The following MPP7 variants were observed in gnomAD, a reference collection of about 807,000 sequenced individuals.
MPP7 encodes the protein MAGUK p55 subfamily member 7.
Under a neutral mutation model 76.5 loss-of-function variants are expected in MPP7, and 60 were observed. That is an observed-to-expected ratio of 0.78 (90% CI 0.64 to 0.97). The LOEUF (loss-of-function observed/expected upper bound fraction) is 0.97, where lower values mean the gene tolerates loss of function less well. MPP7 is among the 50% of genes least tolerant of loss of function. The pLI, the probability that MPP7 is intolerant of heterozygous loss-of-function variation, is 0.00. For synonymous variants in MPP7, 237 were observed against 244.5 expected (o/e 0.97, Z 0.29); for missense variants, 641 against 694.0 (o/e 0.92, Z 0.86).
At chr10:28,281,684 A>C (rs186559518) in intron 1 of MPP7, among the ~76,000 whole-genome samples, 1 of 152,084 alleles carries the variant, frequency 6.6e-6, no homozygotes, top group Non-Finnish European at 1.5e-5. Context: ...AAATACTTCT[A>C]ATGTGTTATC....
chr10:28,092,577 C>CTTTTTTTTTTT lies in MPP7; in HGVS notation c.953-2747_953-2737dup, dbSNP rs397969009. On this transcript the variant is annotated intron_variant, in intron 11 of 16. Coordinates refer to ENST00000683449, the MANE Select transcript of MPP7 (RefSeq NM_001318170.2). ...GCTTCATAGAACCCAGAAAAGGGACCTTTTTTTTTTTTTGAGACAGGGACT... is the reference window on the plus strand; with the variant it reads ...GCTTCATAGAACCCAGAAAAGGGACCTTTTTTTTTTTTTTTTTTTTTTTTGAGACAGGGACT... Among the ~76,000 whole-genome samples the CTTTTTTTTTTT allele has an allele frequency of 2.1e-3, 260 of 121,082 alleles. 26 individuals are homozygous for CTTTTTTTTTTT. The highest frequency in any genetic ancestry group is 0.01 in the East Asian group (32 of 3,148). 79.4% of individuals were successfully genotyped at this position (121,082 alleles called of 152,430 possible).
At chr10:28,313,032 A>G (rs750245737) in intron 2 of MPP7, among the ~76,000 whole-genome samples, 3 of 152,218 alleles carry the variant, frequency 2.0e-5, no homozygotes, top group Non-Finnish European at 4.4e-5. Context: ...CACTTCCAGC[A>G]AAGATGTTAC....
intron 1 of MPP7, among the ~76,000 whole-genome samples, chr10:28,246,842 G>T (rs776741571): frequency 6.6e-6 from 1 of 151,754 alleles, no homozygotes; most frequent in Non-Finnish European, 1.5e-5. Context: ...ATGAGATTTG[G>T]GTACGGACAC....
chr10:28,272,768 T>C (rs1304207513), intron 1 of MPP7, among the ~76,000 whole-genome samples: 1 of 152,198 alleles, frequency 6.6e-6, no homozygotes, highest in Non-Finnish European at 1.5e-5. Context: ...GAAAAGTATA[T>C]GTGGATACTG....
At chr10:28,253,673 C>A (rs978083526) in intron 1 of MPP7, among the ~76,000 whole-genome samples, 2 of 152,084 alleles carry the variant, frequency 1.3e-5, no homozygotes, top group Non-Finnish European at 2.9e-5. Context: ...TACTTGACTG[C>A]TCAAGACATC....
rs1839156319 is a variant in MPP7 at position 28,238,568 on chromosome 10, C to A, written c.37G>T (p.Gly13Cys). 2 of 1,614,004 alleles carry A rather than the reference C, an allele frequency of 1.2e-6. No homozygotes were observed. The highest frequency in any genetic ancestry group is 8.5e-7 in the Non-Finnish European group (1 of 1,179,912). The change falls in exon 2 of 17, where the codon GGT (glycine) becomes TGT (cysteine). Residue 13 changes from glycine (G) to cysteine (C), a missense_variant and splice_region_variant. Transcript: ENST00000683449. ...ALSTGSGSDTGLYELLAALPA... is the reference protein window; with the variant it reads ...ALSTGSGSDTCLYELLAALPA... ...AACTGCCCCTCTTGGGGTCACATACCAGTGTCACTCCCAGATCCCGTTGAC... is the reference window on the plus strand; with the variant it reads ...AACTGCCCCTCTTGGGGTCACATACAAGTGTCACTCCCAGATCCCGTTGAC...
chr10:28,058,648 A>T (rs770197552), intron 14 of MPP7, 45 bp from the exon 15 acceptor site: 1 of 1,039,586 alleles, frequency 9.6e-7, no homozygotes, highest in East Asian at 2.6e-5. Flanking sequence ...AATTTAAAAC[A>T]ATTATAGGTG....
chr10:28,129,348 A>T (rs1835120016), intron 6 of MPP7, among the ~76,000 whole-genome samples: 1 of 152,210 alleles, frequency 6.6e-6, no homozygotes, highest in Admixed American at 6.5e-5. Context: ...ATTTTGTTTT[A>T]AAAACAGAGT....
intron 2 of MPP7, among the ~76,000 whole-genome samples, chr10:28,229,813 C>T (rs1242088247): frequency 8.6e-5 from 13 of 151,602 alleles, no homozygotes; most frequent in African/African-American, 2.9e-4. Context: ...GGCGTGAACC[C>T]GGGAGGCGGA....
At chr10:28,332,226 G>C (rs1245673198) in intron 1 of MPP7, among the ~76,000 whole-genome samples, 1 of 135,870 alleles carries the variant, frequency 7.4e-6, no homozygotes. Flanking sequence ...CACGTACATT[G>C]CCAGTTTGTC....
intron 3 of MPP7, among the ~76,000 whole-genome samples, chr10:28,182,348 A>G (rs979133678): frequency 6.6e-6 from 1 of 152,220 alleles, no homozygotes. Flanking sequence ...GGAAGTTGGC[A>G]AAAATTAAAG....
chr10:28,327,785 T>C (rs79504603), intron 2 of MPP7, among the ~76,000 whole-genome samples: 1,577 of 152,276 alleles, frequency 0.01, 31 homozygotes, highest in African/African-American at 0.036. Context: ...TATTGTGCCC[T>C]GACATTATAT....
chr10:28,137,463 G>A (rs1427502716), intron 5 of MPP7, among the ~76,000 whole-genome samples: 2 of 152,178 alleles, frequency 1.3e-5, no homozygotes, highest in Non-Finnish European at 2.9e-5. Flanking sequence ...GTAAAACAGA[G>A]ATAGCTGAAT....
intron 2 of MPP7, among the ~76,000 whole-genome samples, chr10:28,235,478 T>C (rs1839042831): frequency 1.3e-5 from 2 of 152,192 alleles, no homozygotes; most frequent in South Asian, 2.1e-4. Flanking sequence ...TCAGAAAATA[T>C]ATGTAATGCT....
chr10:28,097,642 TTA>T (rs1490113492), intron 11 of MPP7, among the ~76,000 whole-genome samples: 1 of 152,200 alleles, frequency 6.6e-6, no homozygotes, highest in Non-Finnish European at 1.5e-5. Context: ...TTCTATTACA[TTA>T]TGTTAGGTAT....
intron 5 of MPP7, among the ~76,000 whole-genome samples, chr10:28,147,081 G>A (rs1835733376): frequency 6.6e-6 from 1 of 152,026 alleles, no homozygotes; most frequent in African/African-American, 2.4e-5. Context: ...GGAGGTGAAA[G>A]GGGAAAGAAA....
At position 28,120,574 on chromosome 10, in the gene MPP7, T is replaced by A; in HGVS notation, c.690+20A>T. ...GACTTCCCTCCCACGCACGAAGAAATGTTTTTAAGCAATAATTACCTTGCC... is the reference window on the plus strand; with the variant it reads ...GACTTCCCTCCCACGCACGAAGAAAAGTTTTTAAGCAATAATTACCTTGCC... On this transcript the variant is annotated intron_variant, in intron 9 of 16. Transcript: ENST00000683449. The A allele has an allele frequency of 1.2e-6, 2 of 1,609,150 alleles. No homozygotes were observed. The highest frequency in any genetic ancestry group is 1.7e-6 in the Non-Finnish European group (2 of 1,175,806).
chr10:28,148,518 A>G (rs1305299280), intron 4 of MPP7, among the ~76,000 whole-genome samples: 1 of 152,198 alleles, frequency 6.6e-6, no homozygotes, highest in African/African-American at 2.4e-5. Context: ...TCTCTGGAAA[A>G]GGAATTTTCT....
chr10:28,117,285 T>C (rs1307605608), intron 11 of MPP7, among the ~76,000 whole-genome samples: 1 of 152,164 alleles, frequency 6.6e-6, no homozygotes, highest in African/African-American at 2.4e-5. Context: ...AGATGTTAAG[T>C]ACACTTGTAA....
Sources: allele counts gnomAD v4.1 joint callset (sites outside exome capture counted in the v4.1 genomes callset), GRCh38; gene constraint gnomAD v4.1.1; transcripts MANE v1.5; gene names NCBI Gene and HGNC (gene_info 2026-07-23, HGNC 2026-07-21).